Variants in LMAN2 observed in about 807,000 individuals in gnomAD.
LMAN2 encodes the protein vesicular integral-membrane protein VIP36.
A neutral mutation model predicts 39.3 loss-of-function variants in LMAN2; 22 were observed. The observed-to-expected ratio is 0.56, with a 90% CI of 0.40 to 0.80. The LOEUF (loss-of-function observed/expected upper bound fraction) is 0.80, where lower values mean the gene tolerates loss of function less well. Ranked by LOEUF, LMAN2 falls within the 30% of genes least tolerant of loss-of-function variation. LMAN2 has a pLI of 0.00. For synonymous variants in LMAN2, 207 were observed against 207.8 expected (o/e 1.00, Z 0.03); for missense variants, 494 against 505.4 (o/e 0.98, Z 0.22).
rs1209929172 is a variant in LMAN2 at position 177,331,890 on chromosome 5, GGGGGTGCCAGACC to G, written c.*183_*195del. 15 of 581,980 alleles carry G rather than the reference GGGGGTGCCAGACC, an allele frequency of 2.6e-5. No homozygotes were observed. The Admixed American group carries it at 4.8e-4, about 19-fold the overall frequency. The allele number at this position is 581,980 out of a possible 1,614,324, so 36.1% of individuals were successfully genotyped here. A position where few individuals can be genotyped will look rare whatever the true frequency, so the allele number is the denominator to read the frequency against. ...AGGAGAGCCTCCGTCTCCAGCTGTG[GGGGGTGCCAGACC>G]CTAAGCCTCGGCTCTGCCACCTGTC... On this transcript the variant is annotated 3_prime_UTR_variant, in exon 8 of 8. Transcript: ENST00000303127.
At chr5:177,343,969 G>C (rs1761595969) in intron 2 of LMAN2, among the ~76,000 whole-genome samples, 1 of 152,064 alleles carries the variant, frequency 6.6e-6, no homozygotes, top group Non-Finnish European at 1.5e-5. Context: ...CAGCACTTTG[G>C]GAGGCCAAGG....
At chr5:177,349,345 A>C (rs1379688712) in intron 2 of LMAN2, among the ~76,000 whole-genome samples, 1 of 152,210 alleles carries the variant, frequency 6.6e-6, no homozygotes, top group Non-Finnish European at 1.5e-5. Flanking sequence ...AAAGTTTAGG[A>C]AGCATCTCTC....
intron 6 of LMAN2, among the ~76,000 whole-genome samples, chr5:177,336,205 A>G (rs1190202858): frequency 6.6e-6 from 1 of 152,176 alleles, no homozygotes; most frequent in Non-Finnish European, 1.5e-5. Context: ...CTGAGGAGGT[A>G]ACATCTGAGC....
Position 177,331,922 on chromosome 5 carries a change from A to C in LMAN2, c.*164T>G. ...CCAGACCCTAAGCCTCGGCTCTGCC[A>C]CCTGTCCCTGCTGGGCAAGAAGCAA... is the stretch of plus-strand genomic sequence containing the variant. On this transcript the variant is annotated 3_prime_UTR_variant, in exon 8 of 8. Transcript: ENST00000303127. 1 of 826,800 alleles carries C rather than the reference A, an allele frequency of 1.2e-6. No homozygotes were observed. Among genetic ancestry groups the C allele is most frequent in the Non-Finnish European group, 1.8e-6 (1 of 555,506 alleles). The allele number at this position is 826,800 out of a possible 1,614,324, so 51.2% of individuals were successfully genotyped here.
intron 3 of LMAN2, among the ~76,000 whole-genome samples, 191 bp downstream of exon 3, chr5:177,338,296 GT>G (rs2127315568): frequency 6.6e-6 from 1 of 152,310 alleles, no homozygotes; most frequent in Non-Finnish European, 1.5e-5. Flanking sequence ...TCTCCCCTCA[GT>G]GACCTTCCTT....
intron 2 of LMAN2, among the ~76,000 whole-genome samples, chr5:177,343,210 G>A (rs1293291987): frequency 4.6e-5 from 7 of 151,964 alleles, no homozygotes; most frequent in Non-Finnish European, 7.4e-5. Flanking sequence ...AGCCGAGATC[G>A]CGCCACTGCA....
chr5:177,350,399 A>G (rs144672854), intron 2 of LMAN2, among the ~76,000 whole-genome samples: 1 of 152,182 alleles, frequency 6.6e-6, no homozygotes, highest in African/African-American at 2.4e-5. Context: ...CCTCACCTTG[A>G]CTGCCTCAGT....
chr5:177,332,381 G>C lies in LMAN2; in HGVS notation c.911-135C>G. The C allele has an allele frequency of 1.3e-6, 1 of 768,440 alleles. No homozygotes were observed. Among genetic ancestry groups the C allele is most frequent in the Non-Finnish European group, 2.1e-6 (1 of 477,360 alleles). The allele number at this position is 768,440 out of a possible 1,614,324, so 47.6% of individuals were successfully genotyped here. On this transcript the variant is annotated intron_variant, in intron 7 of 7. Coordinates refer to ENST00000303127, the MANE Select transcript of LMAN2 (RefSeq NM_006816.3). The surrounding 1 kb of genome is among the most constrained non-coding windows in gnomAD (Gnocchi z 6.3). ...GGTCGTACTCACCCCCCTCACCGGG[G>C]AGGGGCAGAGGTCAGGTGAAGCCCA...
At chr5:177,334,535 GCCGGCTA>G in intron 6 of LMAN2, 132 bp from the exon 7 acceptor site, 2 of 1,196,574 alleles carry the variant, frequency 1.7e-6, no homozygotes, top group Non-Finnish European at 2.2e-6. Flanking sequence ...GCACTGCCCA[GCCGGCTA>G]GGGCCTGTTT....
Position 177,332,973 on chromosome 5 carries a change from C to T in LMAN2, c.911-727G>A, listed in dbSNP as rs1197404925. Among the ~76,000 whole-genome samples, 2 of 152,224 alleles carry T rather than the reference C, an allele frequency of 1.3e-5. No homozygotes were observed. Among genetic ancestry groups the T allele is most frequent in the Non-Finnish European group, 2.9e-5 (2 of 68,036 alleles). ...CTCCTCAGGCGTCCCCACACCCAGG[C>T]CTCGGGCCCAGGCCCTGCCTTTCAG... is the stretch of plus-strand genomic sequence containing the variant. On this transcript the variant is annotated intron_variant, in intron 7 of 7. Transcript: ENST00000303127. The surrounding 1 kb of genome is among the most constrained non-coding windows in gnomAD (Gnocchi z 6.3).
At chr5:177,350,802 C>G (rs556375932) in intron 2 of LMAN2, among the ~76,000 whole-genome samples, 1 of 152,336 alleles carries the variant, frequency 6.6e-6, no homozygotes, top group Admixed American at 6.5e-5. Context: ...ATCCAGTTCG[C>G]TCGGTTCTTC....
At position 177,332,824 on chromosome 5, in the gene LMAN2, G is replaced by C. The variant is rs533043870; in HGVS notation, c.911-578C>G. Among the ~76,000 whole-genome samples, 18 of 152,312 alleles carry C rather than the reference G, an allele frequency of 1.2e-4. No homozygotes were observed. Among genetic ancestry groups the C allele is most frequent in the African/African-American group, 4.1e-4 (17 of 41,566 alleles). ...GTACGCTCCCTTGTACAGGCGGAGAGAAGACACTGACTTTCCCAAGCTCTC... is the reference window on the plus strand; with the variant it reads ...GTACGCTCCCTTGTACAGGCGGAGACAAGACACTGACTTTCCCAAGCTCTC... On this transcript the variant is annotated intron_variant, in intron 7 of 7. Coordinates refer to ENST00000303127, the MANE Select transcript of LMAN2 (RefSeq NM_006816.3). This position sits in a 1 kb window ranked among gnomAD's most constrained non-coding sequence, Gnocchi z 6.3.
At chr5:177,340,875 C>T (rs1761541275) in intron 2 of LMAN2, among the ~76,000 whole-genome samples, 1 of 151,586 alleles carries the variant, frequency 6.6e-6, no homozygotes, top group African/African-American at 2.4e-5. Flanking sequence ...CTGCCTCAGC[C>T]TCCCCAGTAG....
Position 177,332,316 on chromosome 5 carries a change from G to T in LMAN2, c.911-70C>A. 1.4e-6 allele frequency: 2 copies of T among 1,457,030 alleles called. No individual in the cohort carries two copies. The highest frequency in any genetic ancestry group is 1.2e-5 in the South Asian group (1 of 82,924). The allele number at this position is 1,457,030 out of a possible 1,614,324, so 90.3% of individuals were successfully genotyped here. On this transcript the variant is annotated intron_variant, in intron 7 of 7. Coordinates refer to ENST00000303127, the MANE Select transcript of LMAN2 (RefSeq NM_006816.3). This position sits in a 1 kb window ranked among gnomAD's most constrained non-coding sequence, Gnocchi z 6.3. ...GGGATCAGGGGGCTGCAGGAGGGCA[G>T]TGGGGATGGAACAGGACAGCCGGCC...
chr5:177,340,922 T>C (rs1345461599), intron 2 of LMAN2, among the ~76,000 whole-genome samples: 3 of 150,850 alleles, frequency 2.0e-5, no homozygotes, highest in Non-Finnish European at 4.4e-5. Flanking sequence ...ACCCGGCTAA[T>C]TTTTTTGTAT....
chr5:177,336,776 C>G (rs930989233), intron 6 of LMAN2: 4 of 378,440 alleles, frequency 1.1e-5, no homozygotes, highest in African/African-American at 8.3e-5. Flanking sequence ...ATCTAACTGA[C>G]CCGCTGCCTC....
intron 1 of LMAN2, 64 bp downstream of exon 1, chr5:177,351,388 C>G (rs1407515593): frequency 1.2e-6 from 2 of 1,603,012 alleles, no homozygotes; most frequent in Non-Finnish European, 1.7e-6. Flanking sequence ...AAAGGGCACG[C>G]CTTCCCCTAG....
chr5:177,341,739 T>C (rs1761557045), intron 2 of LMAN2, among the ~76,000 whole-genome samples: 2 of 152,206 alleles, frequency 1.3e-5, no homozygotes, highest in African/African-American at 4.8e-5. Context: ...GGTGAAAATC[T>C]AAATATCTGA....
chr5:177,337,689 A>G lies in LMAN2; in HGVS notation c.513+17T>C, dbSNP rs771099552. The G allele has an allele frequency of 3.7e-6, 6 of 1,612,806 alleles. No homozygotes were observed. The highest frequency in any genetic ancestry group is 5.1e-6 in the Non-Finnish European group (6 of 1,179,028). The stretch of plus-strand genomic sequence containing the variant: ...AGTCCTTCCTTTCCTGCTCAGCAGG[A>G]TAGAGCAGGGGCCTACCTCAGTGGT... On this transcript the variant is annotated intron_variant, in intron 4 of 7. Transcript: ENST00000303127. The surrounding 1 kb of genome is among the most constrained non-coding windows in gnomAD (Gnocchi z 8.2).
Sources: gnomAD v4.1 joint callset for allele counts (sites outside exome capture counted in the v4.1 genomes callset) on GRCh38, gnomAD v4.1.1 for gene constraint, Gnocchi (gnomAD v3.1) non-coding constraint, MANE v1.5 for transcripts, NCBI Gene and HGNC (gene_info 2026-07-23, HGNC 2026-07-21) for gene names.